UBAP2: variants seen among roughly 807,000 people sequenced by gnomAD.
UBAP2 encodes the protein ubiquitin-associated protein 2.
UBAP2 carries 75 observed loss-of-function variants against 139.6 expected under a neutral mutation model. The ratio of observed to expected loss-of-function variants is 0.54; its 90% confidence interval spans 0.45 to 0.65. UBAP2 has a LOEUF of 0.65. UBAP2 is among the 30% of genes least tolerant of loss of function. UBAP2 has a pLI of 0.00. For missense variants in UBAP2, 1,368 were observed against 1,369.6 expected (o/e 1.00, Z 0.02); for synonymous variants, 526 against 526.2 (o/e 1.00, Z 0.01).
At chr9:34,048,170 A>G (rs965336833) in intron 1 of UBAP2, among the ~76,000 whole-genome samples, 1 of 152,236 alleles carries the variant, frequency 6.6e-6, no homozygotes, top group Non-Finnish European at 1.5e-5. Flanking sequence ...TAACATTTTG[A>G]GTATGTATTA....
intron 1 of UBAP2, among the ~76,000 whole-genome samples, chr9:34,038,826 C>G (rs901820800): frequency 2.0e-5 from 3 of 151,570 alleles, no homozygotes; most frequent in African/African-American, 7.3e-5. Context: ...GCCATCCCGT[C>G]TAGGAAGTGA....
At chr9:33,941,455 G>A (rs307657) in intron 16 of UBAP2, among the ~76,000 whole-genome samples, 194 bp downstream of exon 16, 2 of 152,014 alleles carry the variant, frequency 1.3e-5, no homozygotes, top group Non-Finnish European at 1.5e-5. Flanking sequence ...TGAACCTGCA[G>A]ATCTATCCAC....
At chr9:33,962,850 C>T (rs1827173328) in intron 9 of UBAP2, among the ~76,000 whole-genome samples, 1 of 149,792 alleles carries the variant, frequency 6.7e-6, no homozygotes, top group Non-Finnish European at 1.5e-5. Flanking sequence ...TGGTGCCTCA[C>T]ACCTGTAAAT....
chr9:33,925,710 A>G (rs1436271192), intron 22 of UBAP2, among the ~76,000 whole-genome samples: 1 of 152,232 alleles, frequency 6.6e-6, no homozygotes, highest in Non-Finnish European at 1.5e-5. Context: ...CTCTTCTGAA[A>G]CAAGAGCAGC....
chr9:33,956,021 G>C (rs1398431224), intron 11 of UBAP2, 58 bp downstream of exon 11: 3 of 1,374,026 alleles, frequency 2.2e-6, no homozygotes, highest in Non-Finnish European at 3.0e-6. Context: ...CTTTTCCTGA[G>C]GCAAAAGATT....
intron 6 of UBAP2, among the ~76,000 whole-genome samples, chr9:33,982,855 C>G (rs1820883297): frequency 6.6e-6 from 1 of 151,828 alleles, no homozygotes; most frequent in South Asian, 2.1e-4. Context: ...CTGGTTATCC[C>G]CTATAATGTG....
chr9:33,962,246 G>T (rs1193814344), intron 9 of UBAP2, among the ~76,000 whole-genome samples: 1 of 152,088 alleles, frequency 6.6e-6, no homozygotes, highest in Admixed American at 6.6e-5. Context: ...TTTTAAAATT[G>T]CACAGCTCAG....
At chr9:33,976,118 T>G (rs1349582237) in intron 6 of UBAP2, among the ~76,000 whole-genome samples, 1 of 152,156 alleles carries the variant, frequency 6.6e-6, no homozygotes, top group East Asian at 1.9e-4. Context: ...GAGGTATTAC[T>G]GTGACTTACA....
Position 33,960,861 on chromosome 9 carries a change from C to G in UBAP2, c.763G>C (p.Val255Leu). The G allele has an allele frequency of 6.2e-7, 1 of 1,613,766 alleles. No homozygotes were observed. Residue 255 changes from valine (V) to leucine (L), a missense_variant, in exon 10 of 29, where the codon GTG becomes CTG. Transcript: ENST00000379238. ...YGLKGAWKNSVEEWTTEDWTE... is the reference protein window; with the variant it reads ...YGLKGAWKNSLEEWTTEDWTE... The stretch of plus-strand genomic sequence containing the variant: ...CAGTCTTCTGTTGTCCACTCTTCCA[C>G]AGAATTCTTCCAAGCCCCTGTTGGG...
At chr9:33,995,010 T>C (rs1396382633) in intron 4 of UBAP2, 1 of 152,180 alleles carries the variant, frequency 6.6e-6, no homozygotes, top group Non-Finnish European at 1.5e-5. Flanking sequence ...TATCCTCTTT[T>C]AGGTGAGTCA....
intron 2 of UBAP2, among the ~76,000 whole-genome samples, chr9:34,001,378 G>C (rs1372332124): frequency 6.6e-6 from 1 of 152,204 alleles, no homozygotes; most frequent in Non-Finnish European, 1.5e-5. Context: ...CTATTGTTTT[G>C]AAAGAAAACT....
intron 1 of UBAP2, among the ~76,000 whole-genome samples, chr9:34,046,569 G>A (rs1438881215): frequency 6.7e-6 from 1 of 148,956 alleles, no homozygotes; most frequent in Non-Finnish European, 1.5e-5. Context: ...GCGTGAACCC[G>A]GGAGGCGGAG....
intron 12 of UBAP2, among the ~76,000 whole-genome samples, chr9:33,950,701 C>T (rs1249189514): frequency 6.6e-6 from 1 of 152,226 alleles, no homozygotes; most frequent in Non-Finnish European, 1.5e-5. Context: ...TGATGACTCT[C>T]TTCATCCTGT....
At chr9:33,952,993 C>G (rs1564028098) in intron 12 of UBAP2, 1 of 195,828 alleles carries the variant, frequency 5.1e-6, no homozygotes, top group African/African-American at 2.3e-5. Flanking sequence ...CCTCAGCCTC[C>G]CAAGTAACTG....
chr9:33,949,169 AAAAT>A (rs964089248), intron 12 of UBAP2, among the ~76,000 whole-genome samples: 5 of 150,994 alleles, frequency 3.3e-5, no homozygotes, highest in South Asian at 2.1e-4. Flanking sequence ...TCCATCTCAA[AAAAT>A]AAATAAATAA....
chr9:34,011,837 C>T (rs7029122), intron 2 of UBAP2, among the ~76,000 whole-genome samples: 146,137 of 152,274 alleles, frequency 0.96, 70,269 homozygotes, highest in Non-Finnish European at 1. Flanking sequence ...GGATCTCTTA[C>T]CCATTCATAT....
chr9:34,048,602 A>G (rs745736238), intron 1 of UBAP2, among the ~76,000 whole-genome samples: 3 of 152,076 alleles, frequency 2.0e-5, no homozygotes, highest in African/African-American at 7.2e-5. Context: ...AAGTAGGAAG[A>G]AGCACAGGGC....
At chr9:34,033,425 C>G (rs2131338542) in intron 1 of UBAP2, among the ~76,000 whole-genome samples, 1 of 152,138 alleles carries the variant, frequency 6.6e-6, no homozygotes, top group Middle Eastern at 3.4e-3. Context: ...CAATTGAACT[C>G]ATAATCACAG....
At chr9:33,966,758 C>G (rs909680605) in intron 8 of UBAP2, among the ~76,000 whole-genome samples, 2 of 151,980 alleles carry the variant, frequency 1.3e-5, no homozygotes, top group African/African-American at 4.8e-5. Flanking sequence ...CAATTGTTCA[C>G]TGCTAGTAAA....
Sources: gnomAD v4.1 joint callset for allele counts (sites outside exome capture counted in the v4.1 genomes callset) on GRCh38, gnomAD v4.1.1 for gene constraint, MANE v1.5 for transcripts, NCBI Gene and HGNC (gene_info 2026-07-23, HGNC 2026-07-21) for gene names.